PACS2: variants seen among roughly 807,000 people sequenced by gnomAD.
The protein encoded by PACS2 is PACS1-like protein.
In PACS2, 36 loss-of-function variants were observed where a neutral mutation model predicts 113.0. The ratio of observed to expected loss-of-function variants is 0.32; its 90% CI spans 0.24 to 0.42. PACS2 has a LOEUF of 0.42. Among genes scored for constraint, PACS2 ranks in the 10% least tolerant of loss-of-function variants. The pLI is 1.00. For missense variants in PACS2, 1,015 were observed against 1,239.5 expected (o/e 0.82, Z 2.72); for synonymous variants, 589 against 536.1 (o/e 1.10, Z -1.36).
chr14:105,391,322 T>C, intron 21 of PACS2, 73 bp downstream of exon 21: 1 of 1,143,122 alleles, frequency 8.7e-7, no homozygotes, highest in Non-Finnish European at 1.3e-6. Context: ...ATTCGAGTCC[T>C]GCAGACCAGA....
rs1009959399 is a variant in PACS2, at chr14:105,330,118, G to A, written c.119+15081G>A. Among the ~76,000 whole-genome samples, 8 of 148,986 alleles carry A rather than the reference G, an allele frequency of 5.4e-5. No individual in the cohort carries two copies. The highest frequency in any genetic ancestry group is 7.5e-5 in the African/African-American group (3 of 40,242). ...GGAGCCTCCGAGAAGCCTGGGGTCCGTGTGTGGGAAGGAACGGGGACAGGG... is the reference window on the plus strand; with the variant it reads ...GGAGCCTCCGAGAAGCCTGGGGTCCATGTGTGGGAAGGAACGGGGACAGGG... On this transcript the variant is annotated intron_variant, in intron 1 of 24. Coordinates refer to ENST00000447393, the MANE Select transcript of PACS2 (RefSeq NM_001100913.3). This position sits in a 1 kb window ranked among gnomAD's most constrained non-coding sequence, Gnocchi z 6.9.
At position 105,393,229 on chromosome 14, in the gene PACS2, T is replaced by G; in HGVS notation, c.2490T>G (p.Phe830Leu). 1 of 1,612,332 alleles carries G rather than the reference T, an allele frequency of 6.2e-7. No homozygotes were observed. The highest frequency in any genetic ancestry group is 8.5e-7 in the Non-Finnish European group (1 of 1,179,402). The change falls in exon 24 of 25, where the codon TTT becomes TTG. Residue 830 changes from phenylalanine (F) to leucine (L), a missense_variant. By Grantham distance (22) the Phe-to-Leu change is conservative. Coordinates refer to ENST00000447393, the MANE Select transcript of PACS2 (RefSeq NM_001100913.3). ...VTKEKNKKVM[F>L]LPKKAKDKDV... ...CCTCTTTTCTCCTCCCAGTGATGTT[T>G]CTGCCCAAGAAAGCGAAGGACAAGG...
At chr14:105,353,446 C>T (rs2141040400) in intron 3 of PACS2, among the ~76,000 whole-genome samples, 1 of 151,442 alleles carries the variant, frequency 6.6e-6, no homozygotes, top group African/African-American at 2.4e-5. Flanking sequence ...TGGGCCCCCT[C>T]ATCACTGTCC....
In PACS2 at chr14:105,356,551, G is replaced by C. The variant is rs587736444; in HGVS notation, c.423+1374G>C. ...AGCGATGGGTGAACAGGTAGCTCAG[G>C]GATGCTCTCTGGGCTGTGAGAGCCT... On this transcript the variant is annotated intron_variant, in intron 4 of 24. Transcript: ENST00000447393. This position sits in a 1 kb window ranked among gnomAD's most constrained non-coding sequence, Gnocchi z 4.0. 6.6e-6 allele frequency among the ~76,000 whole-genome samples: 1 copy of C among 152,290 alleles called. No homozygotes were observed. The highest frequency in any genetic ancestry group is 1.5e-5 in the Non-Finnish European group (1 of 68,004).
At chr14:105,322,523 C>T (rs1229384579) in intron 1 of PACS2, among the ~76,000 whole-genome samples, 2 of 152,236 alleles carry the variant, frequency 1.3e-5, no homozygotes, top group African/African-American at 4.8e-5. Flanking sequence ...GCCTCGGCCT[C>T]CCAAAGTGCT....
chr14:105,380,585 C>T (rs1555411715), intron 11 of PACS2, among the ~76,000 whole-genome samples: 2 of 150,700 alleles, frequency 1.3e-5, no homozygotes, highest in Admixed American at 6.6e-5. Context: ...AGGGTCAGGG[C>T]GCCTGGACTC....
At chr14:105,313,057 G>A (rs143538133), upstream of PACS2, among the ~76,000 whole-genome samples, 1 of 152,278 alleles carries the variant, frequency 6.6e-6, no homozygotes, top group African/African-American at 2.4e-5. Flanking sequence ...GAGGGGCACC[G>A]CTCAATGGTG....
intron 4 of PACS2, among the ~76,000 whole-genome samples, chr14:105,361,719 G>T (rs1555406503): frequency 1.3e-5 from 2 of 152,128 alleles, no homozygotes; most frequent in African/African-American, 4.8e-5. Context: ...GGAGGCCAAG[G>T]CGGGCAGGTC....
intron 20 of PACS2, 85 bp from the exon 21 acceptor site, chr14:105,391,122 G>A (rs755690440): frequency 2.7e-5 from 27 of 1,014,378 alleles, no homozygotes; most frequent in African/African-American, 7.8e-5. Context: ...TGGTGGCCAC[G>A]GTGGGGAGGC....
In PACS2 at chr14:105,368,070, G is replaced by C. The variant is rs782379339; in HGVS notation, c.587-4G>C. ...ACCCTCCCTTCTGTCTGTTCATTCCGCAGATAACTACTCCGAGGAGGAGTA... is the reference window on the plus strand; with the variant it reads ...ACCCTCCCTTCTGTCTGTTCATTCCCCAGATAACTACTCCGAGGAGGAGTA... On this transcript the variant is annotated splice_region_variant and splice_polypyrimidine_tract_variant and intron_variant, in intron 5 of 24. Coordinates refer to ENST00000447393, the MANE Select transcript of PACS2 (RefSeq NM_001100913.3). The C allele has an allele frequency of 6.3e-6, 10 of 1,599,474 alleles. No individual in the cohort carries two copies. Among genetic ancestry groups the C allele is most frequent in the Non-Finnish European group, 8.6e-6 (10 of 1,167,202 alleles).
At position 105,315,046 on chromosome 14, in the gene PACS2, C is replaced by A; in HGVS notation, c.119+9C>A. On this transcript the variant is annotated intron_variant, in intron 1 of 24. Transcript: ENST00000447393. The surrounding 1 kb of genome is among the most constrained non-coding windows in gnomAD (Gnocchi z 4.4). ...CCCAGCTGCGTGCCCAGGTACGCGCCGCCCGCCGCGCTTTGTTCCCGCCGG... is the reference window on the plus strand; with the variant it reads ...CCCAGCTGCGTGCCCAGGTACGCGCAGCCCGCCGCGCTTTGTTCCCGCCGG... 1 of 1,169,986 alleles carries A rather than the reference C, an allele frequency of 8.5e-7. No individual in the cohort carries two copies. Among genetic ancestry groups the A allele is most frequent in the Admixed American group, 4.2e-5 (1 of 24,096 alleles). 72.5% of individuals were successfully genotyped at this position (1,169,986 alleles called of 1,614,324 possible).
In PACS2 at chr14:105,393,260, G is replaced by A. The variant is rs782178821; in HGVS notation, c.2521G>A (p.Glu841Lys). Residue 841 changes from glutamate (E) to lysine (K), a missense_variant, in exon 24 of 25, where the codon GAG (glutamate) becomes AAG (lysine). By Grantham distance (56) the Glu-to-Lys change is moderately conservative (BLOSUM62 1). Transcript: ENST00000447393. ...CAAGAAAGCGAAGGACAAGGACGTG[G>A]AGTCTAAGAGCCAGTGCATTGAGGG... is the stretch of plus-strand genomic sequence containing the variant. ...LPKKAKDKDVESKSQCIEGIS... is the reference protein window; with the variant it reads ...LPKKAKDKDVKSKSQCIEGIS... 6.2e-7 allele frequency: 1 copy of A among 1,612,934 alleles called. No individual in the cohort carries two copies. The highest frequency in any genetic ancestry group is 8.5e-7 in the Non-Finnish European group (1 of 1,179,948).
rs74090510 is a variant in PACS2, at chr14:105,355,418, A to G, written c.423+241A>G. Among the ~76,000 whole-genome samples the G allele has an allele frequency of 9.6e-3, 1,460 of 151,910 alleles. 25 individuals carry two copies. The highest frequency in any genetic ancestry group is 0.034 in the African/African-American group (1,387 of 41,392). On this transcript the variant is annotated intron_variant, in intron 4 of 24. Coordinates refer to ENST00000447393, the MANE Select transcript of PACS2 (RefSeq NM_001100913.3). This position sits in a 1 kb window ranked among gnomAD's most constrained non-coding sequence, Gnocchi z 4.1. ...TCCCCGCATGCCTGCAGCCGCGCGC[A>G]CTCCCCTCTAACGAGCCTGTCCTGC...
Position 105,354,706 on chromosome 14 carries a change from A to G in PACS2, c.298-346A>G, listed in dbSNP as rs2060364054. ...CCACCTTGCTGATTGCCTCAGGCAC[A>G]TGAGCCGCCACACTGTTTCCGAGTG... On this transcript the variant is annotated intron_variant, in intron 3 of 24. Coordinates refer to ENST00000447393, the MANE Select transcript of PACS2 (RefSeq NM_001100913.3). This position sits in a 1 kb window ranked among gnomAD's most constrained non-coding sequence, Gnocchi z 4.2. 6.6e-6 allele frequency among the ~76,000 whole-genome samples: 1 copy of G among 152,192 alleles called. No individual in the cohort carries two copies. Among genetic ancestry groups the G allele is most frequent in the Non-Finnish European group, 1.5e-5 (1 of 68,032 alleles).
chr14:105,305,434 G>C (rs976940521), intron 1 of PACS2, among the ~76,000 whole-genome samples: 1 of 151,778 alleles, frequency 6.6e-6, no homozygotes, highest in Non-Finnish European at 1.5e-5. Flanking sequence ...AAGAAAAAAC[G>C]TGGCTGGAGG....
chr14:105,312,718 T>TA (rs774725180), upstream of PACS2, among the ~76,000 whole-genome samples: 23 of 152,178 alleles, frequency 1.5e-4, no homozygotes, highest in Non-Finnish European at 2.9e-4. Flanking sequence ...GCTAAAAAGT[T>TA]ACTCTGATCA....
At chr14:105,368,255 C>T in intron 6 of PACS2, 108 bp downstream of exon 6, 1 of 899,244 alleles carries the variant, frequency 1.1e-6, no homozygotes, top group Non-Finnish European at 1.8e-6. Context: ...GTGGGTGAGC[C>T]ACGGGCCTGG....
At chr14:105,334,885 G>A (rs759501032) in intron 1 of PACS2, among the ~76,000 whole-genome samples, 3 of 152,268 alleles carry the variant, frequency 2.0e-5, no homozygotes, top group Non-Finnish European at 4.4e-5. Context: ...TGTGTGCATG[G>A]TATGGGAGGT....
chr14:105,312,402 C>T (rs1157936929), upstream of PACS2, among the ~76,000 whole-genome samples: 1 of 152,240 alleles, frequency 6.6e-6, no homozygotes, highest in Admixed American at 6.5e-5. Context: ...TTCAGGTTGT[C>T]CTCCTGAGAC....
Sources: gnomAD v4.1 joint callset for allele counts (sites outside exome capture counted in the v4.1 genomes callset) on GRCh38, gnomAD v4.1.1 for gene constraint, Gnocchi (gnomAD v3.1) non-coding constraint, MANE v1.5 for transcripts, NCBI Gene and HGNC (gene_info 2026-07-23, HGNC 2026-07-21) for gene names.